Variants in SVEP1 observed in about 807,000 individuals in gnomAD.
SVEP1 encodes the protein sushi, von Willebrand factor type A, EGF and pentraxin domain containing 1, also known as sushi, von Willebrand factor type A, EGF and pentraxin domain-containing protein 1.
Under a neutral mutation model 367.3 loss-of-function variants are expected in SVEP1, and 164 were observed. The ratio of observed to expected loss-of-function variants is 0.45; its 90% CI spans 0.39 to 0.51. SVEP1 has a LOEUF of 0.51. SVEP1 is among the 20% of genes least tolerant of loss of function. SVEP1 has a pLI of 0.00. For synonymous variants in SVEP1, 1,666 were observed against 1,611.6 expected, an observed-to-expected ratio of 1.03 and a Z score of -0.81; for missense variants, 4,117 against 4,425.3, an observed-to-expected ratio of 0.93 and a Z score of 1.98.
rs1830664977 is a variant in SVEP1 at position 110,579,345 on chromosome 9, C to T, written c.199G>A (p.Ala67Thr). Residue 67 changes from alanine to threonine, a missense_variant, in exon 1 of 48, where the codon GCG (alanine) becomes ACG (threonine). Ala to Thr is a moderately conservative substitution (Grantham distance 58). Around this residue, in one of 4 missense-constraint regions of SVEP1, gnomAD observed 161 missense variants for 122.4 expected, o/e 1.32. Transcript: ENST00000374469. The surrounding 1 kb of genome is among the most constrained non-coding windows in gnomAD (Gnocchi z 5.3). Reference protein sequence around the residue: ...AGSRVERLGQAFRRRVRLLRE... With the variant: ...AGSRVERLGQTFRRRVRLLRE... ...AGCAGCCGCACGCGTCGCCGGAACG[C>T]CTGGCCCAGCCGCTCCACTCTGCTC... 6.4e-7 allele frequency: 1 copy of T among 1,553,936 alleles called. No individual in the cohort carries two copies. Among genetic ancestry groups the T allele is most frequent in the Non-Finnish European group, 8.7e-7 (1 of 1,149,976 alleles).
intron 9 of SVEP1, 142 bp downstream of exon 9, chr9:110,489,508 T>C (rs1050759059): frequency 1.5e-6 from 1 of 674,842 alleles, no homozygotes; most frequent in African/African-American, 1.9e-5. Flanking sequence ...ACTTATTCAC[T>C]ATCATGAGGA....
chr9:110,385,172 G>C (rs1042975942), intron 43 of SVEP1, among the ~76,000 whole-genome samples: 1 of 152,106 alleles, frequency 6.6e-6, no homozygotes, highest in East Asian at 1.9e-4. Flanking sequence ...GTAGAGACAG[G>C]GTTTTGCCAT....
intron 3 of SVEP1, among the ~76,000 whole-genome samples, chr9:110,519,084 C>T (rs1284687259): frequency 6.6e-6 from 1 of 152,166 alleles, no homozygotes; most frequent in Non-Finnish European, 1.5e-5. Context: ...TGACTCCCAC[C>T]ACATTTTTGG....
intron 24 of SVEP1, among the ~76,000 whole-genome samples, chr9:110,448,138 T>TGTGTGTGTGTGCGC (rs1828632657): frequency 1.4e-5 from 1 of 70,666 alleles, no homozygotes; most frequent in Admixed American, 1.7e-4. Context: ...AATGTGTGTG[T>TGTGTGTGTGTGCGC]GTGTGTGTGT....
At chr9:110,480,647 T>G (rs1360723233) in intron 12 of SVEP1, among the ~76,000 whole-genome samples, 1 of 152,076 alleles carries the variant, frequency 6.6e-6, no homozygotes, top group East Asian at 1.9e-4. Context: ...CTATTTTTTT[T>G]GTGCAACAGG....
intron 3 of SVEP1, among the ~76,000 whole-genome samples, chr9:110,545,065 C>T (rs184328425): frequency 6.6e-6 from 1 of 152,260 alleles, no homozygotes; most frequent in Admixed American, 6.5e-5. Flanking sequence ...CAACTCCAGG[C>T]TCACCCACGT....
intron 40 of SVEP1, among the ~76,000 whole-genome samples, chr9:110,391,112 C>T (rs7861369): frequency 0.061 from 9,320 of 152,106 alleles, 463 homozygotes; most frequent in African/African-American, 0.14. Context: ...ATGTCGTTTT[C>T]AAATTTCCAA....
Position 110,450,047 on chromosome 9 carries a change from T to C in SVEP1, c.4103+12A>G, listed in dbSNP as rs779627942. On this transcript the variant is annotated intron_variant, in intron 24 of 47. Transcript: ENST00000374469. Reference sequence around the variant, plus strand: ...ATAAAAACAGTGAAAAGAATCAGACTTAGCCTTTTACCTGAAGCTATTGGC... The same window carrying C: ...ATAAAAACAGTGAAAAGAATCAGACCTAGCCTTTTACCTGAAGCTATTGGC... 1.5e-4 allele frequency: 248 copies of C among 1,613,498 alleles called. No homozygotes were observed. Among genetic ancestry groups the C allele is most frequent in the Admixed American group, 8.3e-5 (5 of 59,974 alleles).
chr9:110,425,245 T>C (rs60313921), intron 36 of SVEP1, among the ~76,000 whole-genome samples: 10,735 of 152,292 alleles, frequency 0.07, 571 homozygotes, highest in African/African-American at 0.15. Context: ...TTAATTTGAT[T>C]AGCTAGCTCA....
In SVEP1 at chr9:110,498,805, C is replaced by T. The variant is rs111941219; in HGVS notation, c.1681+236G>A. Reference sequence around the variant, plus strand: ...TCTTATGGAAAACTTACCTGATTTTCAGCTCTACTATTTTCCTTATTTGTG... The same window carrying T: ...TCTTATGGAAAACTTACCTGATTTTTAGCTCTACTATTTTCCTTATTTGTG... On this transcript the variant is annotated intron_variant, in intron 7 of 47. Coordinates refer to ENST00000374469, the MANE Select transcript of SVEP1 (RefSeq NM_153366.4). Among the ~76,000 whole-genome samples, 1,189 of 152,278 alleles carry T rather than the reference C, an allele frequency of 7.8e-3. 16 individuals carry two copies. The highest frequency in any genetic ancestry group is 0.027 in the African/African-American group (1,117 of 41,554).
At chr9:110,370,496 GATA>G (rs1827259882) in intron 46 of SVEP1, among the ~76,000 whole-genome samples, 1 of 152,138 alleles carries the variant, frequency 6.6e-6, no homozygotes, top group African/African-American at 2.4e-5. Flanking sequence ...CAACTTTTAT[GATA>G]ATAAATTAGG....
chr9:110,440,698 T>C (rs1352274483), intron 27 of SVEP1, among the ~76,000 whole-genome samples: 5 of 152,114 alleles, frequency 3.3e-5, no homozygotes, highest in African/African-American at 7.2e-5. Context: ...AGAAGGAAGA[T>C]ATAGAGAGTT....
intron 7 of SVEP1, among the ~76,000 whole-genome samples, chr9:110,497,508 A>T (rs1588081542): frequency 6.6e-6 from 1 of 152,236 alleles, no homozygotes; most frequent in African/African-American, 2.4e-5. Flanking sequence ...CTTATATGGT[A>T]CCTGACATAT....
chr9:110,513,782 G>A (rs1260485162), intron 4 of SVEP1, among the ~76,000 whole-genome samples, 166 bp downstream of exon 4: 8 of 152,036 alleles, frequency 5.3e-5, no homozygotes, highest in East Asian at 1.9e-4. Context: ...GATATGTTCC[G>A]TGATAAGAAT....
rs1554710778 is a variant in SVEP1, at chr9:110,390,353, A to ATATAAG, written c.9823-767_9823-766insCTTATA. The stretch of plus-strand genomic sequence containing the variant: ...TATATACACATACTTATATACACTT[A>ATATAAG]TATATATATACTTATATCTACTTAT... On this transcript the variant is annotated intron_variant, in intron 40 of 47. Transcript: ENST00000374469. 3.1e-3 allele frequency among the ~76,000 whole-genome samples: 157 copies of ATATAAG among 51,382 alleles called. 3 individuals are homozygous for ATATAAG. The highest frequency in any genetic ancestry group is 5.3e-3 in the South Asian group (8 of 1,508). The allele number at this position is 51,382 out of a possible 152,430, so 33.7% of individuals were successfully genotyped here. A position where few individuals can be genotyped will look rare whatever the true frequency, so the allele number is the denominator to read the frequency against.
At chr9:110,481,670 TA>T (rs1399631452) in intron 11 of SVEP1, among the ~76,000 whole-genome samples, 2 of 151,966 alleles carry the variant, frequency 1.3e-5, no homozygotes, top group Non-Finnish European at 2.9e-5. Flanking sequence ...CATATTTTTA[TA>T]AAAAAGTTAA....
At chr9:110,382,423 C>G (rs1588022240) in intron 43 of SVEP1, among the ~76,000 whole-genome samples, 1 of 152,180 alleles carries the variant, frequency 6.6e-6, no homozygotes, top group African/African-American at 2.4e-5. Context: ...AGGGCTTCTG[C>G]AGAGAAGTTT....
At chr9:110,383,390 C>T (rs1377833329) in intron 43 of SVEP1, among the ~76,000 whole-genome samples, 2 of 152,198 alleles carry the variant, frequency 1.3e-5, no homozygotes, top group African/African-American at 4.8e-5. Context: ...GCACCTGCAC[C>T]TGAAGGTGTT....
chr9:110,516,569 T>C (rs933976915), intron 3 of SVEP1, among the ~76,000 whole-genome samples: 1 of 152,148 alleles, frequency 6.6e-6, no homozygotes, highest in African/African-American at 2.4e-5. Flanking sequence ...TTCTATAAAA[T>C]ATCAGTAAAT....
Sources: allele counts gnomAD v4.1 joint callset (sites outside exome capture counted in the v4.1 genomes callset), GRCh38; gene constraint gnomAD v4.1.1; regional missense constraint gnomAD v4.1.1; non-coding constraint Gnocchi (gnomAD v3.1); transcripts MANE v1.5; gene names NCBI Gene and HGNC (gene_info 2026-07-23, HGNC 2026-07-21).